The following MAPK8 variants were observed in gnomAD, a reference collection of about 807,000 sequenced individuals.
MAPK8 encodes the protein JUN N-terminal kinase.
MAPK8 carries 13 observed loss-of-function variants against 52.9 expected under a neutral mutation model. The ratio of observed to expected loss-of-function variants is 0.25; its 90% CI spans 0.16 to 0.39. The LOEUF is 0.39. Ranked by LOEUF, MAPK8 falls within the 10% of genes least tolerant of loss-of-function variation. MAPK8 has a pLI of 1.00. For missense variants in MAPK8, 300 were observed against 519.2 expected, an observed-to-expected ratio of 0.58 and a Z score of 4.10; for synonymous variants, 191 against 169.8, an observed-to-expected ratio of 1.12 and a Z score of -0.97.
rs59042608 is a variant in MAPK8, at chr10:48,413,815, TTATATA to T, written c.450+3687_450+3692del. The stretch of plus-strand genomic sequence containing the variant: ...CAAAATTGAGTATTTGCCAGAATTG[TTATATA>T]TATATATATATATATATATATATAT... On this transcript the variant is annotated intron_variant, in intron 5 of 11. Coordinates refer to ENST00000374189, the MANE Select transcript of MAPK8 (RefSeq NM_001323329.2). 9.1e-3 allele frequency among the ~76,000 whole-genome samples: 440 copies of T among 48,378 alleles called. 4 individuals carry two copies. Among genetic ancestry groups the T allele is most frequent in the South Asian group, 0.022 (39 of 1,736 alleles). 31.7% of individuals were successfully genotyped at this position (48,378 alleles called of 152,430 possible). A position where few individuals can be genotyped will look rare whatever the true frequency, so the allele number is the denominator to read the frequency against.
At chr10:48,340,404 G>C (rs1020693187) in intron 1 of MAPK8, among the ~76,000 whole-genome samples, 8 of 152,246 alleles carry the variant, frequency 5.3e-5, no homozygotes, top group African/African-American at 1.9e-4. Flanking sequence ...AGGAGGCTGA[G>C]GGGGTAGGGT....
intron 1 of MAPK8, among the ~76,000 whole-genome samples, chr10:48,309,062 G>GT (rs1841691016): frequency 6.6e-6 from 1 of 152,218 alleles, no homozygotes; most frequent in African/African-American, 2.4e-5. Flanking sequence ...GCTTTACCTA[G>GT]TTAGGGTATG....
In MAPK8 at chr10:48,313,262, G is replaced by A. The variant is rs372504146; in HGVS notation, c.-50+6441G>A. ...AGCTTGGCCAACATAGTGATACCCC[G>A]TCTATACTAAAAATACAAAAATTAG... On this transcript the variant is annotated intron_variant, in intron 1 of 11. Transcript: ENST00000374189. Among the ~76,000 whole-genome samples the A allele has an allele frequency of 6.6e-4, 100 of 152,170 alleles. 1 individual carries two copies. The East Asian group carries it at 0.017, about 27-fold the overall frequency.
chr10:48,317,048 T>C (rs1487902594), intron 1 of MAPK8, among the ~76,000 whole-genome samples: 1 of 152,200 alleles, frequency 6.6e-6, no homozygotes, highest in Non-Finnish European at 1.5e-5. Context: ...TGGGCACTGT[T>C]ACTCCCATTT....
intron 1 of MAPK8, among the ~76,000 whole-genome samples, chr10:48,322,556 A>G (rs577778232): frequency 6.6e-6 from 1 of 152,234 alleles, no homozygotes; most frequent in African/African-American, 2.4e-5. Flanking sequence ...AGGCTGGTCT[A>G]TTTTATGTTT....
At chr10:48,400,738 T>C (rs1261988747) in intron 1 of MAPK8, among the ~76,000 whole-genome samples, 1 of 152,226 alleles carries the variant, frequency 6.6e-6, no homozygotes, top group Non-Finnish European at 1.5e-5. Context: ...TCATGACTTA[T>C]TGAGGAGGCG....
At chr10:48,371,234 A>G (rs1173932197) in intron 1 of MAPK8, among the ~76,000 whole-genome samples, 3 of 152,182 alleles carry the variant, frequency 2.0e-5, no homozygotes, top group South Asian at 4.1e-4. Flanking sequence ...ATTATTAGCT[A>G]TAGTCTGGCT....
chr10:48,321,162 A>G (rs977606759), intron 1 of MAPK8, among the ~76,000 whole-genome samples: 2 of 148,462 alleles, frequency 1.3e-5, no homozygotes, highest in South Asian at 2.1e-4. Flanking sequence ...CAGTGATGCA[A>G]CCTGGGCTCA....
chr10:48,386,017 G>C (rs1179775864), intron 1 of MAPK8, among the ~76,000 whole-genome samples: 1 of 152,070 alleles, frequency 6.6e-6, no homozygotes. Context: ...CTAGCAATAA[G>C]TATATGTGGT....
chr10:48,358,435 A>G (rs1847190295), intron 1 of MAPK8, among the ~76,000 whole-genome samples: 1 of 152,170 alleles, frequency 6.6e-6, no homozygotes, highest in South Asian at 2.1e-4. Context: ...AACATCTTGT[A>G]ACATACTTAT....
At position 48,403,733 on chromosome 10, in the gene MAPK8, TG is replaced by T. The variant is rs369674254; in HGVS notation, c.123-1118del. 1.5e-3 allele frequency among the ~76,000 whole-genome samples: 234 copies of T among 151,698 alleles called. 4 individuals carry two copies. The highest frequency in any genetic ancestry group is 9.8e-3 in the South Asian group (47 of 4,816). ...AGCTCTCTGTTCAGATTTTGTTTTT[TG>T]TTTTTTGTTTTTTTGTTTTTTTGTT... is the stretch of plus-strand genomic sequence containing the variant. On this transcript the variant is annotated intron_variant, in intron 2 of 11. Transcript: ENST00000374189.
chr10:48,335,906 T>C (rs1460742414), intron 1 of MAPK8, among the ~76,000 whole-genome samples: 1 of 152,208 alleles, frequency 6.6e-6, no homozygotes, highest in Non-Finnish European at 1.5e-5. Flanking sequence ...CATTTGTCTA[T>C]CTTGCGTTTT....
At chr10:48,394,590 CCTGT>C (rs763151068) in intron 1 of MAPK8, among the ~76,000 whole-genome samples, 1 of 151,890 alleles carries the variant, frequency 6.6e-6, no homozygotes, top group African/African-American at 2.4e-5. Context: ...ACTTTCTCAA[CCTGT>C]CTGTCAAAGG....
At chr10:48,336,230 C>A (rs563105142) in intron 1 of MAPK8, among the ~76,000 whole-genome samples, 143 of 152,068 alleles carry the variant, frequency 9.4e-4, no homozygotes, top group Admixed American at 1.8e-3. Flanking sequence ...ACATATATGG[C>A]AGATATTAAA....
chr10:48,327,908 T>A (rs1050749792), intron 1 of MAPK8, among the ~76,000 whole-genome samples: 4 of 152,250 alleles, frequency 2.6e-5, no homozygotes, highest in Admixed American at 1.3e-4. Flanking sequence ...ATTTTTGGTG[T>A]ACAGAGTTGT....
chr10:48,381,451 A>G (rs1467813111), intron 1 of MAPK8, among the ~76,000 whole-genome samples: 3 of 152,154 alleles, frequency 2.0e-5, no homozygotes, highest in Non-Finnish European at 2.9e-5. Flanking sequence ...TGTATCTAGT[A>G]CTTTTAATTA....
At chr10:48,356,899 C>CAAAAAAA (rs201368039) in intron 1 of MAPK8, among the ~76,000 whole-genome samples, 16 of 47,242 alleles carry the variant, frequency 3.4e-4, no homozygotes, top group African/African-American at 1.2e-3. Context: ...CGTAGTTTAC[C>CAAAAAAA]AAAAAAAAAA....
At chr10:48,369,844 G>A (rs1848391450) in intron 1 of MAPK8, among the ~76,000 whole-genome samples, 1 of 152,146 alleles carries the variant, frequency 6.6e-6, no homozygotes, top group African/African-American at 2.4e-5. Context: ...AAAAAGTCAA[G>A]TTCTGTTTAG....
At chr10:48,377,031 A>G (rs1364726646) in intron 1 of MAPK8, among the ~76,000 whole-genome samples, 2 of 152,156 alleles carry the variant, frequency 1.3e-5, no homozygotes, top group African/African-American at 2.4e-5. Context: ...GGAATACTCC[A>G]CAGCCATAAA....
Sources: allele counts gnomAD v4.1 joint callset (sites outside exome capture counted in the v4.1 genomes callset), GRCh38; gene constraint gnomAD v4.1.1; transcripts MANE v1.5; gene names NCBI Gene and HGNC (gene_info 2026-07-23, HGNC 2026-07-21).